The following GLRA3 variants were observed in gnomAD, a reference collection of about 807,000 sequenced individuals.
GLRA3 encodes glycine receptor alpha 3.
GLRA3 carries 44 observed loss-of-function variants against 60.4 expected under a neutral mutation model. That is an observed-to-expected ratio of 0.73 (90% confidence interval 0.57 to 0.94). GLRA3 has a LOEUF of 0.94. Ranked by LOEUF, GLRA3 falls within the 40% of genes least tolerant of loss-of-function variation. GLRA3 has a pLI of 0.00. For synonymous variants in GLRA3, 223 were observed against 192.9 expected (o/e 1.16, Z -1.29); for missense variants, 508 against 564.6 (o/e 0.90, Z 1.02).
Position 174,764,183 on chromosome 4 carries a change from CTTAA to C in GLRA3, c.267+2776_267+2779del, listed in dbSNP as rs563155868. Among the ~76,000 whole-genome samples, 220 of 152,018 alleles carry C rather than the reference CTTAA, an allele frequency of 1.4e-3. 1 individual carries two copies. Among genetic ancestry groups the C allele is most frequent in the African/African-American group, 5.1e-3 (212 of 41,456 alleles). On this transcript the variant is annotated intron_variant, in intron 3 of 9. Transcript: ENST00000274093. ...ATGAAAAATACATTGTTTGAATTAA[CTTAA>C]TTAACAAAAAGTGGCCTAAAAAGTA...
chr4:174,686,656 A>G (rs571655973), intron 5 of GLRA3, among the ~76,000 whole-genome samples: 156 of 152,304 alleles, frequency 1.0e-3, no homozygotes, highest in African/African-American at 3.6e-3. Context: ...GTGTGCATTT[A>G]GCGCGGGGTT....
intron 7 of GLRA3, among the ~76,000 whole-genome samples, chr4:174,665,274 G>C (rs1179020479): frequency 7.0e-6 from 1 of 143,842 alleles, no homozygotes; most frequent in African/African-American, 2.6e-5. Flanking sequence ...CTTTGGACTG[G>C]AACCCTCCTT....
chr4:174,686,204 TAAC>T (rs1411085653), intron 5 of GLRA3, among the ~76,000 whole-genome samples: 7 of 152,226 alleles, frequency 4.6e-5, no homozygotes, highest in Non-Finnish European at 7.3e-5. Context: ...TTGTTAATGA[TAAC>T]AACTAAGTGG....
chr4:174,770,596 TA>T (rs1738341113), intron 2 of GLRA3, among the ~76,000 whole-genome samples: 1 of 75,028 alleles, frequency 1.3e-5, no homozygotes, highest in South Asian at 5.8e-4. Context: ...TAAAGTTTAC[TA>T]AACATAGGAA....
chr4:174,664,399 C>T (rs1235806802), intron 7 of GLRA3, among the ~76,000 whole-genome samples: 1 of 152,036 alleles, frequency 6.6e-6, no homozygotes, highest in Non-Finnish European at 1.5e-5. Context: ...TACCAGACTA[C>T]CACCTCCCCC....
intron 1 of GLRA3, among the ~76,000 whole-genome samples, chr4:174,827,391 C>T (rs959487280): frequency 2.6e-5 from 4 of 151,482 alleles, no homozygotes; most frequent in African/African-American, 9.7e-5. Flanking sequence ...CTAAGCTAAT[C>T]TGATTTCTTT....
intron 1 of GLRA3, among the ~76,000 whole-genome samples, chr4:174,799,354 A>C (rs1454688328): frequency 6.6e-6 from 1 of 152,236 alleles, no homozygotes; most frequent in East Asian, 1.9e-4. Flanking sequence ...GTGCCATGGC[A>C]GTGCTAAAAA....
At chr4:174,698,472 A>G (rs1418490833) in intron 5 of GLRA3, among the ~76,000 whole-genome samples, 1 of 152,162 alleles carries the variant, frequency 6.6e-6, no homozygotes, top group Non-Finnish European at 1.5e-5. Context: ...TACAAGTGTG[A>G]GCCACCATGC....
intron 5 of GLRA3, among the ~76,000 whole-genome samples, chr4:174,685,625 A>G (rs1308704275): frequency 6.6e-6 from 1 of 152,212 alleles, no homozygotes; most frequent in Non-Finnish European, 1.5e-5. Flanking sequence ...ACTAGAATAC[A>G]TTTCATTGAC....
intron 3 of GLRA3, among the ~76,000 whole-genome samples, chr4:174,764,388 A>G (rs1738056744): frequency 6.6e-6 from 1 of 152,126 alleles, no homozygotes; most frequent in Non-Finnish European, 1.5e-5. Context: ...ATGGAAGAGG[A>G]TAATTACGTA....
intron 5 of GLRA3, among the ~76,000 whole-genome samples, chr4:174,685,426 G>C (rs1734519353): frequency 6.6e-6 from 1 of 152,154 alleles, no homozygotes; most frequent in Non-Finnish European, 1.5e-5. Context: ...GAAGTTTTCA[G>C]CAGAAGTATC....
intron 3 of GLRA3, among the ~76,000 whole-genome samples, chr4:174,746,752 G>A (rs1737268288): frequency 6.6e-6 from 1 of 152,152 alleles, no homozygotes; most frequent in East Asian, 1.9e-4. Flanking sequence ...AAACCCATGT[G>A]AAAATGATGT....
chr4:174,645,938 T>C (rs562182134), intron 9 of GLRA3, among the ~76,000 whole-genome samples: 1 of 152,274 alleles, frequency 6.6e-6, no homozygotes, highest in South Asian at 2.1e-4. Context: ...ATCATGCTGG[T>C]GTTTGCATTT....
chr4:174,663,843 C>T (rs1271073192), intron 7 of GLRA3, among the ~76,000 whole-genome samples: 7 of 152,306 alleles, frequency 4.6e-5, no homozygotes, highest in African/African-American at 1.7e-4. Flanking sequence ...TGTATGTCTC[C>T]CTTTTGGGCA....
intron 3 of GLRA3, among the ~76,000 whole-genome samples, chr4:174,756,171 C>G (rs2111208413): frequency 6.6e-6 from 1 of 152,140 alleles, no homozygotes; most frequent in South Asian, 2.1e-4. Flanking sequence ...TTAATAAACA[C>G]TCATGGAAGA....
chr4:174,714,322 T>C (rs1284525800), intron 5 of GLRA3, among the ~76,000 whole-genome samples: 1 of 152,164 alleles, frequency 6.6e-6, no homozygotes, highest in East Asian at 1.9e-4. Flanking sequence ...CAAATTGCCC[T>C]TCTTCAATTT....
chr4:174,674,315 A>G (rs970744121), intron 7 of GLRA3, among the ~76,000 whole-genome samples: 6 of 150,036 alleles, frequency 4.0e-5, no homozygotes, highest in Admixed American at 2.0e-4. Context: ...AAGTTACACA[A>G]CCTTGAAAAT....
At chr4:174,762,156 G>A (rs970146264) in intron 3 of GLRA3, among the ~76,000 whole-genome samples, 6 of 152,098 alleles carry the variant, frequency 3.9e-5, no homozygotes, top group South Asian at 2.1e-4. Flanking sequence ...GTGTGGGGGC[G>A]TTATGGGTGG....
chr4:174,682,423 T>TA (rs1460180330), intron 6 of GLRA3, among the ~76,000 whole-genome samples: 1 of 152,128 alleles, frequency 6.6e-6, no homozygotes, highest in Non-Finnish European at 1.5e-5. Flanking sequence ...TTTTCTTTTT[T>TA]AAAAAATGCA....
Sources: gnomAD v4.1 joint callset for allele counts (sites outside exome capture counted in the v4.1 genomes callset) on GRCh38, gnomAD v4.1.1 for gene constraint, MANE v1.5 for transcripts, NCBI Gene and HGNC (gene_info 2026-07-23, HGNC 2026-07-21) for gene names.